CMTM4: variants seen among roughly 807,000 people sequenced by gnomAD.
The protein encoded by CMTM4 is CKLF like MARVEL transmembrane domain containing 4.
A neutral mutation model predicts 19.0 loss-of-function variants in CMTM4; 8 were observed. The observed-to-expected ratio is 0.42, with a 90% CI of 0.25 to 0.76. The LOEUF is 0.76. Among genes scored for constraint, CMTM4 ranks in the 30% least tolerant of loss-of-function variants. The pLI, the probability that CMTM4 is intolerant of heterozygous loss-of-function variation, is 0.27. For synonymous variants in CMTM4, 106 were observed against 121.1 expected (o/e 0.88, Z 0.82); for missense variants, 228 against 290.2 (o/e 0.79, Z 1.56).
chr16:66,679,445 A>C (rs1190771996), intron 1 of CMTM4, among the ~76,000 whole-genome samples: 1 of 152,146 alleles, frequency 6.6e-6, no homozygotes, highest in African/African-American at 2.4e-5. Flanking sequence ...TGAATTATGC[A>C]AAAAGGGTTC....
intron 2 of CMTM4, among the ~76,000 whole-genome samples, chr16:66,623,750 T>C (rs1048876911): frequency 6.6e-6 from 1 of 152,144 alleles, no homozygotes; most frequent in Non-Finnish European, 1.5e-5. Flanking sequence ...TCTGAAGAAA[T>C]AGTAACCAAA....
the CMTM4 span, among the ~76,000 whole-genome samples, chr16:66,606,255 C>G: frequency 1.3e-4 from 20 of 152,066 alleles, no homozygotes; most frequent in Non-Finnish European, 2.5e-4. Flanking sequence ...TGGACAGAAA[C>G]AGAGAGAGGA....
intron 2 of CMTM4, among the ~76,000 whole-genome samples, chr16:66,629,368 G>A (rs1451161135): frequency 6.6e-6 from 1 of 152,170 alleles, no homozygotes; most frequent in East Asian, 1.9e-4. Context: ...GACAGTAGCA[G>A]CTACCATCTA....
chr16:66,686,190 G>A (rs2017027907), intron 1 of CMTM4, among the ~76,000 whole-genome samples: 2 of 151,610 alleles, frequency 1.3e-5, no homozygotes. Context: ...GGAGGTGGAG[G>A]TTGCAGTGAG....
downstream of CMTM4, among the ~76,000 whole-genome samples, chr16:66,611,598 C>T (rs367551002): frequency 6.6e-6 from 1 of 152,058 alleles, no homozygotes; most frequent in Non-Finnish European, 1.5e-5. Flanking sequence ...CTCATGGGGA[C>T]TGACTGGGGT....
At chr16:66,677,198 T>C (rs1040768158) in intron 1 of CMTM4, among the ~76,000 whole-genome samples, 1 of 152,076 alleles carries the variant, frequency 6.6e-6, no homozygotes, top group South Asian at 2.1e-4. Context: ...GATTGTGTCA[T>C]TATACTCTAG....
intron 1 of CMTM4, among the ~76,000 whole-genome samples, chr16:66,694,399 C>T (rs1362789935): frequency 6.6e-6 from 1 of 152,120 alleles, no homozygotes; most frequent in African/African-American, 2.4e-5. Flanking sequence ...CAAACATTGG[C>T]TAGCTGCCTC....
At chr16:66,694,950 A>AAAAT (rs1019725234) in intron 1 of CMTM4, among the ~76,000 whole-genome samples, 2 of 152,186 alleles carry the variant, frequency 1.3e-5, no homozygotes, top group African/African-American at 4.8e-5. Context: ...AGAGAGACAT[A>AAAAT]AAATAGCCTA....
At chr16:66,667,850 T>C (rs1465753575) in intron 1 of CMTM4, among the ~76,000 whole-genome samples, 2 of 152,090 alleles carry the variant, frequency 1.3e-5, no homozygotes, top group Admixed American at 6.6e-5. Flanking sequence ...ATCACACCAC[T>C]GCACTCCAAC....
intron 1 of CMTM4, among the ~76,000 whole-genome samples, chr16:66,651,929 A>G (rs909938316): frequency 6.6e-6 from 1 of 152,242 alleles, no homozygotes; most frequent in African/African-American, 2.4e-5. Context: ...AAATTATTCA[A>G]TCTGCAACCA....
rs1305532476 is a variant in CMTM4 at position 66,696,291 on chromosome 16, C to A, written c.186+49G>T. On this transcript the variant is annotated intron_variant, in intron 1 of 3. Transcript: ENST00000394106. The surrounding 1 kb of genome is among the most constrained non-coding windows in gnomAD (Gnocchi z 4.3). The stretch of plus-strand genomic sequence containing the variant: ...CCCCGCAGCGGGGCGGGGAGGGAGG[C>A]GTGCGGCTAGGCCGCCCTCGGGCAC... The A allele has an allele frequency of 3.3e-6, 4 of 1,229,924 alleles. No homozygotes were observed. In the African/African-American group the frequency reaches 4.8e-5, roughly 15 times the overall value. 76.2% of individuals were successfully genotyped at this position (1,229,924 alleles called of 1,614,324 possible).
intron 1 of CMTM4, among the ~76,000 whole-genome samples, chr16:66,642,330 T>G (rs899413912): frequency 6.6e-6 from 1 of 152,204 alleles, no homozygotes; most frequent in African/African-American, 2.4e-5. Flanking sequence ...AACTTTTTTG[T>G]TTACTAATCA....
intron 1 of CMTM4, among the ~76,000 whole-genome samples, chr16:66,695,457 G>A (rs2017216211): frequency 6.6e-6 from 1 of 152,184 alleles, no homozygotes; most frequent in African/African-American, 2.4e-5. Flanking sequence ...ATGTTGGGGG[G>A]ACACACGGGT....
chr16:66,636,371 T>C, intron 2 of CMTM4, 34 bp downstream of exon 2: 1 of 1,584,772 alleles, frequency 6.3e-7, no homozygotes, highest in Non-Finnish European at 8.6e-7. Flanking sequence ...AGGCACGTGA[T>C]CCTTTCATGG....
At chr16:66,605,099 C>T in the CMTM4 span, 10 of 816,282 alleles carry the variant, frequency 1.2e-5, no homozygotes, top group Non-Finnish European at 1.2e-5. The surrounding 1 kb of genome is among the most constrained non-coding windows in gnomAD (Gnocchi z 4.6). Flanking sequence ...CTCTCGGGCG[C>T]CTGGCGAAGT....
chr16:66,683,601 A>T (rs1413942581), intron 1 of CMTM4, among the ~76,000 whole-genome samples: 1 of 151,746 alleles, frequency 6.6e-6, no homozygotes, highest in African/African-American at 2.4e-5. Flanking sequence ...TTTATTAAAC[A>T]AACACATACA....
At chr16:66,608,490 G>A in the CMTM4 span, 2 of 1,611,218 alleles carry the variant, frequency 1.2e-6, no homozygotes, top group Non-Finnish European at 1.7e-6. The surrounding 1 kb of genome is among the most constrained non-coding windows in gnomAD (Gnocchi z 5.1). Flanking sequence ...CCAGGAGGGA[G>A]GGGTGCCCTG....
chr16:66,682,715 T>G (rs1368116340), intron 1 of CMTM4, among the ~76,000 whole-genome samples: 1 of 152,162 alleles, frequency 6.6e-6, no homozygotes, highest in Non-Finnish European at 1.5e-5. Context: ...GGTTGTTCTT[T>G]TATTTTAATC....
intron 1 of CMTM4, among the ~76,000 whole-genome samples, chr16:66,665,709 G>C (rs531339311): frequency 6.6e-5 from 10 of 152,194 alleles, no homozygotes; most frequent in Admixed American, 3.3e-4. Flanking sequence ...CCAGGAGGCA[G>C]AGGCTGCAGT....
Sources: gnomAD v4.1 joint callset for allele counts (sites outside exome capture counted in the v4.1 genomes callset) on GRCh38, gnomAD v4.1.1 for gene constraint, Gnocchi (gnomAD v3.1) non-coding constraint, MANE v1.5 for transcripts, NCBI Gene and HGNC (gene_info 2026-07-23, HGNC 2026-07-21) for gene names.